PTCHD4: variants seen among roughly 807,000 people sequenced by gnomAD.
PTCHD4 encodes patched domain containing 4, also known as patched domain-containing protein 4.
In PTCHD4, 33 loss-of-function variants were observed where a neutral mutation model predicts 58.1. The ratio of observed to expected loss-of-function variants is 0.57; its 90% CI spans 0.43 to 0.76. The LOEUF (loss-of-function observed/expected upper bound fraction) is 0.76. Ranked by LOEUF, PTCHD4 falls within the 30% of genes least tolerant of loss-of-function variation. PTCHD4 has a pLI of 0.00. For synonymous variants in PTCHD4, 478 were observed against 409.6 expected (o/e 1.17, Z -2.02); for missense variants, 1,058 against 1,027.1 (o/e 1.03, Z -0.41).
In PTCHD4 at chr6:47,879,121, G is replaced by A; in HGVS notation, c.1714C>T (p.Leu572=). 6.2e-7 allele frequency: 1 copy of A among 1,612,354 alleles called. No individual in the cohort carries two copies. The highest frequency in any genetic ancestry group is 8.5e-7 in the Non-Finnish European group (1 of 1,179,660). ...ANNKSDFISV[L]QSSFLKKPEF... ...GGCTTTTTTAAAAATGAGCTTTGCAGGACACTGATGAAGTCACTTTTGTTA... is the reference window on the plus strand; with the variant it reads ...GGCTTTTTTAAAAATGAGCTTTGCAAGACACTGATGAAGTCACTTTTGTTA... The change falls in exon 5 of 5, where the codon CTG becomes TTG. Residue 572 remains leucine (L), a synonymous_variant. Coordinates refer to ENST00000339488, the MANE Select transcript of PTCHD4 (RefSeq NM_001384253.1).
At chr6:48,038,620 A>G (rs1346325311) in intron 3 of PTCHD4, among the ~76,000 whole-genome samples, 1 of 147,742 alleles carries the variant, frequency 6.8e-6, no homozygotes, top group Non-Finnish European at 1.5e-5. Context: ...AGCCAAGATC[A>G]TGGCACTGCA....
chr6:48,057,169 C>T (rs1323422554), intron 3 of PTCHD4, among the ~76,000 whole-genome samples: 4 of 146,192 alleles, frequency 2.7e-5, no homozygotes, highest in African/African-American at 5.0e-5. Context: ...CTTCTGGCGG[C>T]GGTTTTTTTT....
In PTCHD4 at chr6:48,069,815, C is replaced by G. The variant is rs1254547448; in HGVS notation, c.-858G>C. ...ATTTCAGTCCCCTTTTCCAGTGTCT[C>G]CTTCCACCCCTCACCCATGAGGACT... On this transcript the variant is annotated 5_prime_UTR_variant, in exon 2 of 5. Transcript: ENST00000339488. Among the ~76,000 whole-genome samples, 1 of 152,278 alleles carries G rather than the reference C, an allele frequency of 6.6e-6. No individual in the cohort carries two copies. The highest frequency in any genetic ancestry group is 1.9e-4 in the East Asian group (1 of 5,180).
chr6:48,063,587 T>C (rs1764703214), intron 3 of PTCHD4, among the ~76,000 whole-genome samples: 1 of 152,266 alleles, frequency 6.6e-6, no homozygotes, highest in East Asian at 1.9e-4. Flanking sequence ...TTCAAGGAAG[T>C]CAACCTCCTG....
At chr6:48,009,237 G>A (rs1049789742) in intron 3 of PTCHD4, 123 bp from the exon 4 acceptor site, 3 of 1,020,598 alleles carry the variant, frequency 2.9e-6, no homozygotes, top group Non-Finnish European at 4.1e-6. Flanking sequence ...AAACTGATGT[G>A]GGTGGAGAGG....
At chr6:48,007,609 A>G (rs1371463378) in intron 4 of PTCHD4, among the ~76,000 whole-genome samples, 1 of 152,230 alleles carries the variant, frequency 6.6e-6, no homozygotes, top group African/African-American at 2.4e-5. Context: ...TGGAATATAT[A>G]ATTGTCTGTT....
intron 4 of PTCHD4, among the ~76,000 whole-genome samples, chr6:47,990,035 A>C (rs1397272909): frequency 6.6e-6 from 1 of 152,208 alleles, no homozygotes; most frequent in East Asian, 1.9e-4. Flanking sequence ...CTCTTGAATC[A>C]GTGTGACCTC....
intron 3 of PTCHD4, among the ~76,000 whole-genome samples, chr6:48,010,712 A>ACATTAGGTAT (rs1199787768): frequency 6.6e-6 from 1 of 152,046 alleles, no homozygotes; most frequent in Non-Finnish European, 1.5e-5. Context: ...CCCATCAACT[A>ACATTAGGTAT]CATTAGGTAT....
rs2114082819 is a variant in PTCHD4, at chr6:47,873,085, C to G, written c.*5218G>C. ...GAGTCTCCCTAGCTTTTCACTTTCA[C>G]TAACAAAAGGGTCTACGGCTCTTCC... On this transcript the variant is annotated 3_prime_UTR_variant, in exon 5 of 5. Transcript: ENST00000339488. Among the ~76,000 whole-genome samples, 1 of 151,800 alleles carries G rather than the reference C, an allele frequency of 6.6e-6. No homozygotes were observed. The highest frequency in any genetic ancestry group is 2.4e-5 in the African/African-American group (1 of 41,508).
rs572797952 is a variant in PTCHD4, at chr6:48,040,007, A to G, written c.417+28223T>C. On this transcript the variant is annotated intron_variant, in intron 3 of 4. Coordinates refer to ENST00000339488, the MANE Select transcript of PTCHD4 (RefSeq NM_001384253.1). Reference sequence around the variant, plus strand: ...TCTGAGATGGGGCCCAAGACTCTGCATTTCTAACAGGCTCAAGGTTATGCT... The same window carrying G: ...TCTGAGATGGGGCCCAAGACTCTGCGTTTCTAACAGGCTCAAGGTTATGCT... 5.9e-5 allele frequency among the ~76,000 whole-genome samples: 9 copies of G among 152,196 alleles called. No homozygotes were observed. The South Asian group carries it at 1.7e-3, about 28-fold the overall frequency.
intron 4 of PTCHD4, among the ~76,000 whole-genome samples, chr6:47,973,347 G>A (rs1767583594): frequency 6.6e-6 from 1 of 152,056 alleles, no homozygotes; most frequent in Admixed American, 6.5e-5. Context: ...CAAACAACAA[G>A]GAAAAGAAGC....
rs1270267480 is a variant in PTCHD4 at position 48,080,903 on chromosome 6, C to T, written c.-969-10977G>A. Reference sequence around the variant, plus strand: ...TATTAATGGATTGTCTGGGGCTTACCTTTCTTGTTTTTAGCATTGTATGTT... The same window carrying T: ...TATTAATGGATTGTCTGGGGCTTACTTTTCTTGTTTTTAGCATTGTATGTT... On this transcript the variant is annotated intron_variant, in intron 1 of 4. Transcript: ENST00000339488. Among the ~76,000 whole-genome samples, 3 of 152,146 alleles carry T rather than the reference C, an allele frequency of 2.0e-5. No individual in the cohort carries two copies. The East Asian group carries it at 5.8e-4, about 29-fold the overall frequency.
intron 4 of PTCHD4, among the ~76,000 whole-genome samples, chr6:47,953,038 T>C (rs1325656445): frequency 7.1e-6 from 1 of 140,150 alleles, no homozygotes; most frequent in African/African-American, 2.9e-5. Context: ...TGAAGAATAC[T>C]AAACTACTGT....
intron 4 of PTCHD4, among the ~76,000 whole-genome samples, chr6:47,987,002 A>AGAAT (rs1768090734): frequency 6.6e-6 from 1 of 151,778 alleles, no homozygotes; most frequent in Non-Finnish European, 1.5e-5. Context: ...CTTTTTTTTG[A>AGAAT]GAAGGAGATA....
chr6:47,885,790 G>A (rs1764173055), intron 4 of PTCHD4, among the ~76,000 whole-genome samples: 1 of 152,100 alleles, frequency 6.6e-6, no homozygotes, highest in African/African-American at 2.4e-5. Flanking sequence ...AAACTCTCTG[G>A]TGACGTAGTT....
In PTCHD4 at chr6:47,871,462, G is replaced by A. The variant is rs535175742; in HGVS notation, c.*6841C>T. Among the ~76,000 whole-genome samples the A allele has an allele frequency of 2.0e-4, 30 of 151,658 alleles. No individual in the cohort carries two copies. The highest frequency in any genetic ancestry group is 3.0e-4 in the Non-Finnish European group (20 of 67,676). ...GGGTAGACTGCTGCCTCTAATCAAA[G>A]TCAGATTACTCTCTTTCTGAGTCAA... On this transcript the variant is annotated 3_prime_UTR_variant, in exon 5 of 5. Coordinates refer to ENST00000339488, the MANE Select transcript of PTCHD4 (RefSeq NM_001384253.1).
At chr6:48,104,374 TA>T (rs1272628093) in intron 1 of PTCHD4, among the ~76,000 whole-genome samples, 1 of 152,064 alleles carries the variant, frequency 6.6e-6, no homozygotes, top group African/African-American at 2.4e-5. Context: ...GAAGGAGAAA[TA>T]AAATACTTTA....
chr6:47,940,307 GC>G (rs1263439114), intron 4 of PTCHD4, among the ~76,000 whole-genome samples: 1 of 152,082 alleles, frequency 6.6e-6, no homozygotes, highest in Non-Finnish European at 1.5e-5. Context: ...CCTGCATTAT[GC>G]CCCATGCAGT....
At chr6:48,082,487 A>G (rs115372012) in intron 1 of PTCHD4, among the ~76,000 whole-genome samples, 2,294 of 152,298 alleles carry the variant, frequency 0.015, 62 homozygotes, top group African/African-American at 0.052. Flanking sequence ...CACACAATGC[A>G]TAATTCCATA....
Sources: gnomAD v4.1 joint callset for allele counts (sites outside exome capture counted in the v4.1 genomes callset) on GRCh38, gnomAD v4.1.1 for gene constraint, MANE v1.5 for transcripts, NCBI Gene and HGNC (gene_info 2026-07-23, HGNC 2026-07-21) for gene names.